ZNF292: variants seen among roughly 807,000 people sequenced by gnomAD.
The protein encoded by ZNF292 is 16 zinc-finger domain protein.
Under a neutral mutation model 217.9 loss-of-function variants are expected in ZNF292, and 26 were observed. That is an observed-to-expected ratio of 0.12 (90% CI 0.09 to 0.17). ZNF292 has a LOEUF of 0.17. Ranked by LOEUF, ZNF292 falls within the 10% of genes least tolerant of loss-of-function variation. The pLI is 1.00. For synonymous variants in ZNF292, 1,257 were observed against 1,124.1 expected (o/e 1.12, Z -2.37); for missense variants, 2,904 against 3,175.2 (o/e 0.91, Z 2.05).
chr6:87,260,427 A>C lies in ZNF292; in HGVS notation c.6798A>C (p.Ile2266=), dbSNP rs1019418966. 3 of 1,613,572 alleles carry C rather than the reference A, an allele frequency of 1.9e-6. No individual in the cohort carries two copies. Among genetic ancestry groups the C allele is most frequent in the Non-Finnish European group, 1.7e-6 (2 of 1,179,712 alleles). The change falls in exon 8 of 8, where the codon ATA becomes ATC. Residue 2266 remains isoleucine, a synonymous_variant. Coordinates refer to ENST00000369577, the MANE Select transcript of ZNF292 (RefSeq NM_015021.3). ...GTGATTGTGAAGGCTGTGACCGTAT[A>C]TATGCAACCCGGTCGAATCTCCTCC... ...YKCDCEGCDR[I]YATRSNLLRH...
At chr6:87,231,129 A>T (rs1773632264) in intron 4 of ZNF292, among the ~76,000 whole-genome samples, 1 of 152,126 alleles carries the variant, frequency 6.6e-6, no homozygotes, top group Non-Finnish European at 1.5e-5. Flanking sequence ...AGAAGTGGGA[A>T]AAAAAAGTAG....
chr6:87,252,889 T>C (rs1774999597), intron 7 of ZNF292, among the ~76,000 whole-genome samples: 1 of 152,032 alleles, frequency 6.6e-6, no homozygotes, highest in African/African-American at 2.4e-5. Flanking sequence ...GTTTTCATCT[T>C]CCCTGTCATT....
chr6:87,218,790 A>G, intron 4 of ZNF292, 59 bp downstream of exon 4: 3 of 1,489,462 alleles, frequency 2.0e-6, no homozygotes, highest in Non-Finnish European at 2.7e-6. Flanking sequence ...AATAAGTGTT[A>G]AAGTTGTTTT....
intron 1 of ZNF292, among the ~76,000 whole-genome samples, chr6:87,195,532 G>A (rs1042574775): frequency 2.0e-5 from 3 of 152,146 alleles, no homozygotes; most frequent in Non-Finnish European, 4.4e-5. Flanking sequence ...GAAATGATGA[G>A]AGCTGAAACT....
At chr6:87,156,706 C>G (rs115974171) in intron 1 of ZNF292, among the ~76,000 whole-genome samples, 1 of 152,220 alleles carries the variant, frequency 6.6e-6, no homozygotes, top group Non-Finnish European at 1.5e-5. Flanking sequence ...CCCAAGGGCA[C>G]TGCTCACCAG....
At chr6:87,248,097 G>A (rs1582498822) in intron 7 of ZNF292, among the ~76,000 whole-genome samples, 1 of 152,244 alleles carries the variant, frequency 6.6e-6, no homozygotes, top group East Asian at 1.9e-4. Flanking sequence ...CCATTTAAAT[G>A]TACATAGGAA....
At chr6:87,211,020 A>T (rs75490991) in intron 1 of ZNF292, among the ~76,000 whole-genome samples, 2,467 of 152,324 alleles carry the variant, frequency 0.016, 61 homozygotes, top group African/African-American at 0.056. Context: ...AACAATGTGC[A>T]CATCAAAACA....
rs1245350272 is a variant in ZNF292 at position 87,254,982 on chromosome 6, C to T, written c.1353C>T (p.Thr451=). The change falls in exon 8 of 8, where the codon ACC becomes ACT. Residue 451 remains threonine, a synonymous_variant. Coordinates refer to ENST00000369577, the MANE Select transcript of ZNF292 (RefSeq NM_015021.3). The stretch of plus-strand genomic sequence containing the variant: ...ATCCAGAATTCTGGGATTGGAAAAC[C>T]TTGAAACGACAATGTCTTGCATTAA... ...PFDPEFWDWK[T]LKRQCLALMG... is the part of the protein sequence containing the mutation. 1.2e-6 allele frequency: 2 copies of T among 1,613,650 alleles called. No individual in the cohort carries two copies. The highest frequency in any genetic ancestry group is 2.7e-5 in the African/African-American group (2 of 74,904).
Position 87,255,417 on chromosome 6 carries a change from T to A in ZNF292, c.1788T>A (p.Ser596Arg). The part of the protein sequence containing the change: ...PHVTLHVKQS[S>R]KERLAAMKPL... Reference sequence around the variant, plus strand: ...TCACACTGCATGTTAAACAATCTAGTAAAGAGAGACTAGCAGCTATGAAAC... The same window carrying A: ...TCACACTGCATGTTAAACAATCTAGAAAAGAGAGACTAGCAGCTATGAAAC... Residue 596 changes from serine to arginine, a missense_variant, in exon 8 of 8, where the codon AGT becomes AGA. Transcript: ENST00000369577. 2 of 1,613,706 alleles carry A rather than the reference T, an allele frequency of 1.2e-6. No homozygotes were observed. The highest frequency in any genetic ancestry group is 1.7e-6 in the Non-Finnish European group (2 of 1,179,816).
intron 1 of ZNF292, among the ~76,000 whole-genome samples, chr6:87,199,538 T>A (rs1772049101): frequency 6.6e-6 from 1 of 152,200 alleles, no homozygotes; most frequent in Non-Finnish European, 1.5e-5. Flanking sequence ...AGATCATGTT[T>A]GGTGTTCGAA....
At chr6:87,173,281 A>G (rs1270741964) in intron 1 of ZNF292, 1 of 152,216 alleles carries the variant, frequency 6.6e-6, no homozygotes, top group Non-Finnish European at 1.5e-5. Flanking sequence ...ATTCCATATC[A>G]TTCAAAACAT....
intron 1 of ZNF292, among the ~76,000 whole-genome samples, chr6:87,207,399 A>G (rs1205513565): frequency 6.6e-6 from 1 of 152,082 alleles, no homozygotes; most frequent in South Asian, 2.1e-4. Flanking sequence ...GATTTCTATT[A>G]TGGTTTCTTT....
chr6:87,217,188 T>C (rs528326187), intron 3 of ZNF292, among the ~76,000 whole-genome samples: 8 of 152,170 alleles, frequency 5.3e-5, no homozygotes, highest in African/African-American at 1.7e-4. Flanking sequence ...TAAAGAGGTA[T>C]AGCCTTAAAC....
At chr6:87,247,507 A>G (rs1774666730) in intron 7 of ZNF292, among the ~76,000 whole-genome samples, 5 of 152,160 alleles carry the variant, frequency 3.3e-5, no homozygotes, top group Admixed American at 2.6e-4. Flanking sequence ...TGGGAGCCAC[A>G]TTTACCCTAG....
intron 4 of ZNF292, among the ~76,000 whole-genome samples, chr6:87,226,959 C>T (rs1773388682): frequency 6.6e-6 from 1 of 152,042 alleles, no homozygotes; most frequent in African/African-American, 2.4e-5. Context: ...GGATTACAAA[C>T]GTGTGCCACC....
rs747815500 is a variant in ZNF292 at position 87,257,409 on chromosome 6, T to C, written c.3780T>C (p.Asp1260=). 4 of 1,613,566 alleles carry C rather than the reference T, an allele frequency of 2.5e-6. No individual in the cohort carries two copies. Among genetic ancestry groups the C allele is most frequent in the Non-Finnish European group, 3.4e-6 (4 of 1,179,736 alleles). ...VLPLNIDSGS[D]PFLPLPAESS... Reference sequence around the variant, plus strand: ...CTTTGAATATTGACAGTGGCTCAGATCCTTTCCTTCCTTTACCTGCAGAAA... The same window carrying C: ...CTTTGAATATTGACAGTGGCTCAGACCCTTTCCTTCCTTTACCTGCAGAAA... The change falls in exon 8 of 8, where the codon GAT becomes GAC. Residue 1260 remains aspartate, a synonymous_variant. Transcript: ENST00000369577.
chr6:87,218,764 T>A (rs1772918737), intron 4 of ZNF292, 33 bp downstream of exon 4: 2 of 1,532,198 alleles, frequency 1.3e-6, no homozygotes, highest in Non-Finnish European at 1.7e-6. Flanking sequence ...AAAAAAAGAA[T>A]AATTAGACTA....
rs766133508 is a variant in ZNF292, at chr6:87,260,942, C to A, written c.7313C>A (p.Thr2438Lys). The change falls in exon 8 of 8, where the codon ACG (threonine) becomes AAG (lysine). Residue 2438 changes from threonine to lysine, a missense_variant. This residue lies in a region of ZNF292 where 380 missense variants were observed against 355.3 expected (regional missense o/e 1.07). Coordinates refer to ENST00000369577, the MANE Select transcript of ZNF292 (RefSeq NM_015021.3). ...TGTTGCAACTCACAAGTAAAGGAAA[C>A]GTCTGAGCAAGAAGGTGCTAAGAAT... Reference protein sequence around the residue: ...KRCCNSQVKETSEQEGAKNDV... With the variant: ...KRCCNSQVKEKSEQEGAKNDV... 4.3e-6 allele frequency: 7 copies of A among 1,610,592 alleles called. No homozygotes were observed. The highest frequency in any genetic ancestry group is 5.9e-6 in the Non-Finnish European group (7 of 1,178,216).
rs761125774 is a variant in ZNF292 at position 87,257,891 on chromosome 6, T to G, written c.4262T>G (p.Leu1421Arg). The part of the protein sequence containing the change: ...ELLQSNGQPS[L>R]LASMILSTNA... ...CTACAGAGTAATGGACAGCCTTCTCTTCTTGCCAGCATGATTCTCTCCACA... is the reference window on the plus strand; with the variant it reads ...CTACAGAGTAATGGACAGCCTTCTCGTCTTGCCAGCATGATTCTCTCCACA... The change falls in exon 8 of 8, where the codon CTT (leucine) becomes CGT (arginine). Residue 1421 changes from leucine (L) to arginine (R), a missense_variant. This residue lies in a region of ZNF292 where 622 missense variants were observed against 573.1 expected (regional missense o/e 1.09). Coordinates refer to ENST00000369577, the MANE Select transcript of ZNF292 (RefSeq NM_015021.3). 184 of 1,613,770 alleles carry G rather than the reference T, an allele frequency of 1.1e-4. No individual in the cohort carries two copies. Among genetic ancestry groups the G allele is most frequent in the Non-Finnish European group, 1.5e-4 (179 of 1,179,828 alleles).
Sources: gnomAD v4.1 joint callset for allele counts (sites outside exome capture counted in the v4.1 genomes callset) on GRCh38, gnomAD v4.1.1 for gene constraint, gnomAD v4.1.1 regional missense constraint, MANE v1.5 for transcripts, NCBI Gene and HGNC (gene_info 2026-07-23, HGNC 2026-07-21) for gene names.